Variants in RAD54L2 observed in about 807,000 individuals in gnomAD.
The protein encoded by RAD54L2 is helicase ARIP4.
In RAD54L2, 27 loss-of-function variants were observed where a neutral mutation model predicts 138.4. The observed-to-expected ratio is 0.20, with a 90% CI of 0.14 to 0.27. The LOEUF is 0.27. Ranked by LOEUF, RAD54L2 falls within the 10% of genes least tolerant of loss-of-function variation. The pLI, the probability that RAD54L2 is intolerant of heterozygous loss-of-function variation, is 1.00. For synonymous variants in RAD54L2, 644 were observed against 723.2 expected, an observed-to-expected ratio of 0.89 and a Z score of 1.76; for missense variants, 1,396 against 1,890.2, an observed-to-expected ratio of 0.74 and a Z score of 4.85.
intron 3 of RAD54L2, among the ~76,000 whole-genome samples, chr3:51,624,275 C>T (rs1317533407): frequency 2.1e-4 from 31 of 148,798 alleles, no homozygotes; most frequent in Non-Finnish European, 3.6e-4. Context: ...CTCTGTTGCC[C>T]GGGCTGGAGT....
At chr3:51,597,559 G>C (rs1399345935) in intron 3 of RAD54L2, among the ~76,000 whole-genome samples, 1 of 152,100 alleles carries the variant, frequency 6.6e-6, no homozygotes, top group Non-Finnish European at 1.5e-5. Context: ...TGGGCGCGGT[G>C]GCTCATGCCT....
intron 2 of RAD54L2, among the ~76,000 whole-genome samples, chr3:51,584,290 G>A (rs1699667607): frequency 6.6e-6 from 1 of 152,128 alleles, no homozygotes; most frequent in South Asian, 2.1e-4. Flanking sequence ...TTCGAGTCTT[G>A]AATGCATTTG....
At chr3:51,548,084 G>A (rs1222556848) in intron 2 of RAD54L2, among the ~76,000 whole-genome samples, 1 of 151,998 alleles carries the variant, frequency 6.6e-6, no homozygotes, top group Non-Finnish European at 1.5e-5. Flanking sequence ...AGTAGAGATG[G>A]GGTTTCGCCA....
At chr3:51,554,462 T>G (rs1698915774) in intron 2 of RAD54L2, among the ~76,000 whole-genome samples, 1 of 151,890 alleles carries the variant, frequency 6.6e-6, no homozygotes, top group Admixed American at 6.6e-5. Context: ...AGGCAGAGGT[T>G]GCAACGAGCC....
chr3:51,650,789 G>A (rs1701410526), intron 19 of RAD54L2, among the ~76,000 whole-genome samples: 1 of 152,220 alleles, frequency 6.6e-6, no homozygotes, highest in African/African-American at 2.4e-5. Flanking sequence ...TTAAAGTAAT[G>A]TGTAGAGGGA....
At chr3:51,589,796 A>G (rs1201740004) in intron 2 of RAD54L2, among the ~76,000 whole-genome samples, 1 of 151,974 alleles carries the variant, frequency 6.6e-6, no homozygotes, top group African/African-American at 2.4e-5. Context: ...AACAAATGGG[A>G]TTTCCAAGGT....
intron 3 of RAD54L2, among the ~76,000 whole-genome samples, chr3:51,601,835 C>G (rs530553135): frequency 3.3e-5 from 5 of 151,570 alleles, no homozygotes; most frequent in African/African-American, 1.2e-4. Flanking sequence ...TTTGTTTATC[C>G]ATTTCATGTG....
Position 51,666,378 on chromosome 3 carries a change from G to A in RAD54L2, c.*2958G>A, listed in dbSNP as rs1701912697. ...TTTCTTTGATCATAAACACTTGGTG[G>A]TGTCTTCCACCCATTATCCAGGCCT... On this transcript the variant is annotated 3_prime_UTR_variant, in exon 23 of 23. Transcript: ENST00000684192. The A allele has an allele frequency of 6.6e-6, 1 of 151,926 alleles. No individual in the cohort carries two copies. The highest frequency in any genetic ancestry group is 2.1e-4 in the South Asian group (1 of 4,806). The allele number at this position is 151,926 out of a possible 1,614,324, so 9.4% of individuals were successfully genotyped here. A position where few individuals can be genotyped will look rare whatever the true frequency, so the allele number is the denominator to read the frequency against.
chr3:51,603,341 C>T (rs1368993596), intron 3 of RAD54L2, among the ~76,000 whole-genome samples: 1 of 151,908 alleles, frequency 6.6e-6, no homozygotes, highest in African/African-American at 2.4e-5. Flanking sequence ...TGCAGTGGCT[C>T]ACACCTGTAA....
At chr3:51,609,737 T>TGTGG (rs1700287428) in intron 3 of RAD54L2, among the ~76,000 whole-genome samples, 1 of 131,808 alleles carries the variant, frequency 7.6e-6, no homozygotes. Flanking sequence ...TGTGTGTGTG[T>TGTGG]GTGGTTTGTA....
intron 21 of RAD54L2, among the ~76,000 whole-genome samples, chr3:51,658,945 C>T (rs986193874): frequency 3.9e-5 from 6 of 151,930 alleles, no homozygotes; most frequent in South Asian, 2.1e-4. Context: ...TATTTTGTGA[C>T]GTGAAATTAT....
intron 3 of RAD54L2, among the ~76,000 whole-genome samples, chr3:51,591,616 C>T (rs1699843031): frequency 6.6e-6 from 1 of 152,188 alleles, no homozygotes; most frequent in South Asian, 2.1e-4. Context: ...TTTATCCCTC[C>T]AGTAGCATTT....
chr3:51,647,617 C>T (rs891164147), intron 19 of RAD54L2, among the ~76,000 whole-genome samples: 10 of 152,144 alleles, frequency 6.6e-5, no homozygotes, highest in South Asian at 2.1e-4. Context: ...TGTGGTGAGC[C>T]GAGATCGCGC....
chr3:51,665,882 C>G lies in RAD54L2; in HGVS notation c.*2462C>G, dbSNP rs955810821. ...CACTTCTAGGAAATCACTGTACTAG[C>G]CTCCAAGAATCCGGAAACCTTCCCA... On this transcript the variant is annotated 3_prime_UTR_variant, in exon 23 of 23. Transcript: ENST00000684192. The G allele has an allele frequency of 2.0e-5, 3 of 152,198 alleles. No individual in the cohort carries two copies. The highest frequency in any genetic ancestry group is 4.8e-5 in the African/African-American group (2 of 41,448). 9.4% of individuals were successfully genotyped at this position (152,198 alleles called of 1,614,324 possible). A position where few individuals can be genotyped will look rare whatever the true frequency, so the allele number is the denominator to read the frequency against.
At chr3:51,625,333 G>A (rs929196253) in intron 3 of RAD54L2, among the ~76,000 whole-genome samples, 3 of 152,120 alleles carry the variant, frequency 2.0e-5, no homozygotes, top group Non-Finnish European at 4.4e-5. Flanking sequence ...CAGGAGAATC[G>A]CTTGAACCCG....
chr3:51,559,409 A>C (rs1190529506), intron 2 of RAD54L2, among the ~76,000 whole-genome samples: 5 of 152,168 alleles, frequency 3.3e-5, no homozygotes, highest in Non-Finnish European at 5.9e-5. Flanking sequence ...GATATCTTAA[A>C]TTTAGTAAGT....
chr3:51,648,077 C>T (rs761612273), intron 19 of RAD54L2, among the ~76,000 whole-genome samples: 1 of 152,164 alleles, frequency 6.6e-6, no homozygotes, highest in Non-Finnish European at 1.5e-5. Context: ...CCTGGAAAAT[C>T]GGGACACTGC....
At chr3:51,552,632 G>A (rs886912938) in intron 2 of RAD54L2, among the ~76,000 whole-genome samples, 6 of 142,078 alleles carry the variant, frequency 4.2e-5, no homozygotes, top group African/African-American at 1.6e-4. Context: ...GCAGTGGCAC[G>A]ATGATCATAG....
chr3:51,575,521 C>CCTCTT, intron 2 of RAD54L2, among the ~76,000 whole-genome samples: 1 of 152,142 alleles, frequency 6.6e-6, no homozygotes, highest in South Asian at 2.1e-4. Context: ...TCTTATATTT[C>CCTCTT]ATTGAGCAGT....
Sources: gnomAD v4.1 joint callset for allele counts (sites outside exome capture counted in the v4.1 genomes callset) on GRCh38, gnomAD v4.1.1 for gene constraint, MANE v1.5 for transcripts, NCBI Gene and HGNC (gene_info 2026-07-23, HGNC 2026-07-21) for gene names.